The following SENP5 variants were observed in gnomAD, a reference collection of about 807,000 sequenced individuals.
SENP5 encodes the protein SUMO specific peptidase 5.
In SENP5, 21 loss-of-function variants were observed where a neutral mutation model predicts 74.2. The observed-to-expected ratio is 0.28, with a 90% confidence interval of 0.20 to 0.41. SENP5 has a LOEUF of 0.41. Ranked by LOEUF, SENP5 falls within the 10% of genes least tolerant of loss-of-function variation. The pLI, the probability that SENP5 is intolerant of heterozygous loss-of-function variation, is 1.00. For missense variants in SENP5, 717 were observed against 889.1 expected (o/e 0.81, Z 2.46); for synonymous variants, 311 against 312.7 (o/e 0.99, Z 0.06).
intron 2 of SENP5, 73 bp downstream of exon 2, chr3:196,886,767 G>A: frequency 7.8e-7 from 1 of 1,285,756 alleles, no homozygotes; most frequent in Admixed American, 2.7e-5. Context: ...GCTAATAAGA[G>A]TCCTATTTTT....
chr3:196,888,453 C>T (rs1264807585), intron 2 of SENP5, among the ~76,000 whole-genome samples: 1 of 151,818 alleles, frequency 6.6e-6, no homozygotes, highest in African/African-American at 2.4e-5. Context: ...TGTTGTGGTG[C>T]GTGTCTGTGA....
intron 4 of SENP5, 55 bp downstream of exon 4, chr3:196,900,117 A>T: frequency 6.4e-7 from 1 of 1,571,564 alleles, no homozygotes; most frequent in Non-Finnish European, 8.6e-7. Context: ...GTTAGTCAAT[A>T]AAATATAATC....
intron 6 of SENP5, chr3:196,914,586 A>AAAAAAAAAAAAAATATATATAT: frequency 5.1e-4 from 17 of 33,490 alleles, no homozygotes; most frequent in South Asian, 3.3e-3. Flanking sequence ...AAAAAAAAAA[A>AAAAAAAAAAAAAATATATATAT]ATATATATAT....
In SENP5 at chr3:196,910,597, C is replaced by T. The variant is rs1308859062; in HGVS notation, c.1884+6987C>T. On this transcript the variant is annotated intron_variant, in intron 6 of 9. Transcript: ENST00000323460. ...TCCTGACCTCGTGATCCGCCTGCCTCGGCCTTCCAGAGTGCTGGGATTATA... is the reference window on the plus strand; with the variant it reads ...TCCTGACCTCGTGATCCGCCTGCCTTGGCCTTCCAGAGTGCTGGGATTATA... Among the ~76,000 whole-genome samples the T allele has an allele frequency of 2.6e-5, 4 of 151,900 alleles. No individual in the cohort carries two copies. In the South Asian group the frequency reaches 6.2e-4, roughly 24 times the overall value.
At chr3:196,920,906 A>G (rs1388046106) in intron 6 of SENP5, among the ~76,000 whole-genome samples, 1 of 152,212 alleles carries the variant, frequency 6.6e-6, no homozygotes, top group Non-Finnish European at 1.5e-5. Context: ...AGCAAATCAC[A>G]TGACAGGACT....
chr3:196,888,826 A>G (rs1310279076), intron 2 of SENP5, among the ~76,000 whole-genome samples: 1 of 151,818 alleles, frequency 6.6e-6, no homozygotes, highest in Non-Finnish European at 1.5e-5. Context: ...AAGTATAATA[A>G]ATTCTTCTGG....
chr3:196,926,481 CAAA>C (rs56334033), intron 7 of SENP5, among the ~76,000 whole-genome samples: 71 of 125,350 alleles, frequency 5.7e-4, no homozygotes, highest in Non-Finnish European at 5.3e-4. Flanking sequence ...GACTCCGTCT[CAAA>C]AAAAAAAAAA....
intron 6 of SENP5, among the ~76,000 whole-genome samples, chr3:196,915,757 A>G (rs1715341864): frequency 6.6e-6 from 1 of 152,178 alleles, no homozygotes; most frequent in Non-Finnish European, 1.5e-5. Flanking sequence ...GAGATCGCCT[A>G]ATAATCTAGG....
intron 6 of SENP5, among the ~76,000 whole-genome samples, chr3:196,918,967 AT>A (rs1370796555): frequency 3.0e-5 from 2 of 67,016 alleles, no homozygotes. Context: ...TATAAAAATT[AT>A]GTATGTGTGT....
Position 196,923,594 on chromosome 3 carries a change from G to T in SENP5, c.2022+43G>T, listed in dbSNP as rs374625741. The T allele has an allele frequency of 6.9e-5, 95 of 1,380,726 alleles. 1 individual carries two copies. Among genetic ancestry groups the T allele is most frequent in the Non-Finnish European group, 9.4e-5 (93 of 986,378 alleles). The allele number at this position is 1,380,726 out of a possible 1,614,324, so 85.5% of individuals were successfully genotyped here. On this transcript the variant is annotated intron_variant, in intron 7 of 9. Coordinates refer to ENST00000323460, the MANE Select transcript of SENP5 (RefSeq NM_152699.5). Reference sequence around the variant, plus strand: ...CTATTTTTTCATTTATTTTGTAATTGGCCAAATAGCATCTTAGCTCTAGAT... The same window carrying T: ...CTATTTTTTCATTTATTTTGTAATTTGCCAAATAGCATCTTAGCTCTAGAT...
At chr3:196,875,656 CAG>C (rs1713430936) in intron 1 of SENP5, among the ~76,000 whole-genome samples, 1 of 152,148 alleles carries the variant, frequency 6.6e-6, no homozygotes, top group Non-Finnish European at 1.5e-5. Flanking sequence ...ATAATTTCTT[CAG>C]AGAGGTGTTT....
At chr3:196,875,150 G>A (rs1005264291) in intron 1 of SENP5, among the ~76,000 whole-genome samples, 4 of 152,122 alleles carry the variant, frequency 2.6e-5, no homozygotes, top group African/African-American at 9.7e-5. Context: ...ATCGATCTCC[G>A]TCTGTGTTTC....
chr3:196,870,495 A>T (rs1713165814), intron 1 of SENP5, among the ~76,000 whole-genome samples: 1 of 152,136 alleles, frequency 6.6e-6, no homozygotes, highest in South Asian at 2.1e-4. Context: ...TTTCTCTAAA[A>T]TGATCATGTT....
intron 6 of SENP5, among the ~76,000 whole-genome samples, chr3:196,906,248 C>G (rs1714899753): frequency 6.6e-6 from 1 of 151,898 alleles, no homozygotes; most frequent in Non-Finnish European, 1.5e-5. Context: ...TCAGAAATTC[C>G]AAGGACTTTA....
At chr3:196,896,185 G>A (rs1348436203) in intron 2 of SENP5, among the ~76,000 whole-genome samples, 1 of 152,074 alleles carries the variant, frequency 6.6e-6, no homozygotes, top group African/African-American at 2.4e-5. Context: ...AAAGAATGGT[G>A]GATTTAACTG....
chr3:196,895,805 AGCCACCGT>A (rs1332934734), intron 2 of SENP5, among the ~76,000 whole-genome samples: 4 of 152,208 alleles, frequency 2.6e-5, no homozygotes, highest in Non-Finnish European at 5.9e-5. Flanking sequence ...TACAGGCATG[AGCCACCGT>A]GCCTGGCCGG....
chr3:196,898,965 G>GCT (rs1471619913), intron 2 of SENP5, among the ~76,000 whole-genome samples: 1 of 151,884 alleles, frequency 6.6e-6, no homozygotes, highest in African/African-American at 2.4e-5. Context: ...TGTAGTCACA[G>GCT]CTATTTGGGA....
intron 6 of SENP5, among the ~76,000 whole-genome samples, chr3:196,907,823 C>T (rs1455811468): frequency 6.6e-6 from 1 of 151,966 alleles, no homozygotes; most frequent in Non-Finnish European, 1.5e-5. Flanking sequence ...CAGAGCCGTC[C>T]TGGGCTGCAT....
intron 1 of SENP5, 101 bp from the exon 2 acceptor site, chr3:196,885,050 T>C: frequency 1.5e-6 from 1 of 667,708 alleles, no homozygotes; most frequent in East Asian, 2.7e-5. Flanking sequence ...TTGAAGTATA[T>C]GTACTCTTTT....
Sources: allele counts gnomAD v4.1 joint callset (sites outside exome capture counted in the v4.1 genomes callset), GRCh38; gene constraint gnomAD v4.1.1; transcripts MANE v1.5; gene names NCBI Gene and HGNC (gene_info 2026-07-23, HGNC 2026-07-21).